The following SEC23A variants were observed in gnomAD, a reference collection of about 807,000 sequenced individuals.
SEC23A encodes SEC23 homolog A, COPII component.
Under a neutral mutation model 103.7 loss-of-function variants are expected in SEC23A, and 56 were observed. That is an observed-to-expected ratio of 0.54 (90% CI 0.44 to 0.67). The LOEUF (loss-of-function observed/expected upper bound fraction) is 0.67. SEC23A is among the 30% of genes least tolerant of loss of function. SEC23A has a pLI of 0.00. For synonymous variants in SEC23A, 281 were observed against 293.0 expected (o/e 0.96, Z 0.42); for missense variants, 784 against 936.4 (o/e 0.84, Z 2.12).
At chr14:39,056,881 C>A (rs141064888) in intron 13 of SEC23A, among the ~76,000 whole-genome samples, 4 of 152,282 alleles carry the variant, frequency 2.6e-5, no homozygotes, top group Non-Finnish European at 5.9e-5. Context: ...AGCTCTCCAA[C>A]CACATTCCTT....
intron 14 of SEC23A, among the ~76,000 whole-genome samples, chr14:39,054,248 C>G (rs1048349700): frequency 6.6e-6 from 1 of 151,156 alleles, no homozygotes; most frequent in Non-Finnish European, 1.5e-5. Flanking sequence ...GAACTCCAGC[C>G]TGGGTGACAG....
At chr14:39,078,747 G>C (rs1887124353) in intron 7 of SEC23A, among the ~76,000 whole-genome samples, 1 of 152,064 alleles carries the variant, frequency 6.6e-6, no homozygotes, top group Admixed American at 6.6e-5. Context: ...ATGTCTGAAG[G>C]CTGAGCTAGA....
intron 10 of SEC23A, among the ~76,000 whole-genome samples, chr14:39,065,233 G>C (rs1886617766): frequency 6.6e-6 from 1 of 151,840 alleles, no homozygotes; most frequent in South Asian, 2.1e-4. Context: ...CTCCATTTGG[G>C]AACCTCATCC....
chr14:39,051,602 C>G (rs892921506), intron 14 of SEC23A, among the ~76,000 whole-genome samples: 2 of 152,088 alleles, frequency 1.3e-5, no homozygotes, highest in Admixed American at 1.3e-4. Context: ...CCTAAATGCC[C>G]ATCAATAATA....
intron 5 of SEC23A, chr14:39,091,070 A>G: frequency 4.8e-6 from 2 of 417,222 alleles, no homozygotes; most frequent in Admixed American, 3.1e-5. Flanking sequence ...GAGGAGTATG[A>G]TGATGACATG....
In SEC23A at chr14:39,097,469, A is replaced by G. The variant is rs557546352; in HGVS notation, c.-21-1330T>C. On this transcript the variant is annotated intron_variant, in intron 1 of 19. Coordinates refer to ENST00000307712, the MANE Select transcript of SEC23A (RefSeq NM_006364.4). Reference sequence around the variant, plus strand: ...AATAGTGGGACAAGAAGCTGATTCTAAAATTTAAGTGAAGAAAGAAGAGAT... The same window carrying G: ...AATAGTGGGACAAGAAGCTGATTCTGAAATTTAAGTGAAGAAAGAAGAGAT... Among the ~76,000 whole-genome samples the G allele has an allele frequency of 2.6e-5, 4 of 152,356 alleles. No homozygotes were observed. The South Asian group carries it at 6.2e-4, about 24-fold the overall frequency.
chr14:39,075,219 T>C (rs1282468477), intron 8 of SEC23A, among the ~76,000 whole-genome samples: 1 of 152,106 alleles, frequency 6.6e-6, no homozygotes, highest in Non-Finnish European at 1.5e-5. Context: ...GATAAATGAA[T>C]CTAAAACCTT....
At chr14:39,034,948 A>G (rs191987298) in intron 19 of SEC23A, among the ~76,000 whole-genome samples, 2 of 152,252 alleles carry the variant, frequency 1.3e-5, no homozygotes, top group Admixed American at 1.3e-4. Flanking sequence ...CTGACCCCCA[A>G]AAAATCCTGT....
chr14:39,089,793 C>T (rs992620922), intron 5 of SEC23A, among the ~76,000 whole-genome samples: 11 of 152,082 alleles, frequency 7.2e-5, no homozygotes, highest in African/African-American at 2.7e-4. Flanking sequence ...CACGTCTCTA[C>T]AAAAATACCA....
At chr14:39,100,031 A>G (rs902207224) in intron 1 of SEC23A, among the ~76,000 whole-genome samples, 5 of 152,230 alleles carry the variant, frequency 3.3e-5, no homozygotes, top group African/African-American at 1.2e-4. Context: ...ACAACTGGTT[A>G]AAAGGCTGGA....
chr14:39,070,617 T>A (rs1886811721), intron 9 of SEC23A, among the ~76,000 whole-genome samples: 1 of 152,236 alleles, frequency 6.6e-6, no homozygotes, highest in African/African-American at 2.4e-5. Context: ...CATGATCATA[T>A]CAATAGCTAT....
At chr14:39,058,286 A>T (rs912228679) in intron 13 of SEC23A, among the ~76,000 whole-genome samples, 24 of 144,460 alleles carry the variant, frequency 1.7e-4, no homozygotes, top group Non-Finnish European at 2.4e-4. Flanking sequence ...TTCTTTCTGT[A>T]TTTTTTTTTT....
chr14:39,034,863 A>G (rs1467420296), intron 19 of SEC23A, among the ~76,000 whole-genome samples: 1 of 152,206 alleles, frequency 6.6e-6, no homozygotes, highest in Non-Finnish European at 1.5e-5. Flanking sequence ...GGCCTCCAGC[A>G]CTGTCACAGA....
chr14:39,089,467 T>C (rs1887583022), intron 5 of SEC23A, among the ~76,000 whole-genome samples: 1 of 139,546 alleles, frequency 7.2e-6, no homozygotes, highest in Non-Finnish European at 1.6e-5. Context: ...TCTAAGGTAC[T>C]CCGCTTCCTG....
chr14:39,060,391 A>C (rs1886435168), intron 13 of SEC23A, among the ~76,000 whole-genome samples: 1 of 152,166 alleles, frequency 6.6e-6, no homozygotes, highest in African/African-American at 2.4e-5. Flanking sequence ...TCCATCACTC[A>C]ACAAAAGTCT....
chr14:39,049,488 A>AC, intron 14 of SEC23A, among the ~76,000 whole-genome samples: 1 of 141,648 alleles, frequency 7.1e-6, no homozygotes. Context: ...AAAAAAAAAA[A>AC]AATTTGAGCC....
intron 19 of SEC23A, among the ~76,000 whole-genome samples, chr14:39,034,159 G>A (rs1276432897): frequency 1.3e-5 from 2 of 152,178 alleles, no homozygotes; most frequent in Admixed American, 6.5e-5. Flanking sequence ...ATTTGATAAT[G>A]AAGGGAGGCA....
At chr14:39,076,138 T>C (rs1202602564) in intron 7 of SEC23A, 45 bp from the exon 8 acceptor site, 3 of 1,360,770 alleles carry the variant, frequency 2.2e-6, no homozygotes, top group Non-Finnish European at 1.0e-6. Context: ...CATATGAATA[T>C]ACATTTCTGA....
At chr14:39,079,170 T>G (rs531550894) in intron 7 of SEC23A, among the ~76,000 whole-genome samples, 5 of 152,230 alleles carry the variant, frequency 3.3e-5, no homozygotes, top group East Asian at 3.9e-4. Flanking sequence ...TAGAATTCTA[T>G]AGCCACCCAA....
Sources: gnomAD v4.1 joint callset for allele counts (sites outside exome capture counted in the v4.1 genomes callset) on GRCh38, gnomAD v4.1.1 for gene constraint, MANE v1.5 for transcripts, NCBI Gene and HGNC (gene_info 2026-07-23, HGNC 2026-07-21) for gene names.